PEX5L: variants seen among roughly 807,000 people sequenced by gnomAD.
The protein encoded by PEX5L is PEX5-related protein.
In PEX5L, 30 loss-of-function variants were observed where a neutral mutation model predicts 84.0. That is an observed-to-expected ratio of 0.36 (90% CI 0.27 to 0.48). The LOEUF is 0.48. Ranked by LOEUF, PEX5L falls within the 20% of genes least tolerant of loss-of-function variation. The pLI is 0.99. For synonymous variants in PEX5L, 270 were observed against 283.1 expected (o/e 0.95, Z 0.46); for missense variants, 533 against 754.6 (o/e 0.71, Z 3.44).
intron 1 of PEX5L, chr3:179,973,321 T>G (rs1785231625): frequency 8.0e-7 from 1 of 1,256,864 alleles, no homozygotes; most frequent in South Asian, 1.4e-5. Context: ...CCACAGATCT[T>G]GCCCAGGAAC....
intron 1 of PEX5L, among the ~76,000 whole-genome samples, chr3:179,995,787 T>A (rs546138397): frequency 6.6e-6 from 1 of 152,276 alleles, no homozygotes; most frequent in East Asian, 1.9e-4. Flanking sequence ...ATGAAGCAAG[T>A]GGCTGACCTG....
At chr3:179,918,574 A>G (rs1179950462) in intron 2 of PEX5L, among the ~76,000 whole-genome samples, 1 of 152,168 alleles carries the variant, frequency 6.6e-6, no homozygotes, top group East Asian at 1.9e-4. Context: ...CCTAAGTTTC[A>G]GTCCTAGTAC....
At chr3:179,977,245 T>C (rs1406570420) in intron 1 of PEX5L, among the ~76,000 whole-genome samples, 2 of 152,200 alleles carry the variant, frequency 1.3e-5, no homozygotes, top group South Asian at 4.1e-4. Context: ...AAGACTTCTT[T>C]GCAGTAAAAA....
At chr3:179,867,758 G>C (rs1393226802) in intron 7 of PEX5L, among the ~76,000 whole-genome samples, 1 of 152,140 alleles carries the variant, frequency 6.6e-6, no homozygotes, top group African/African-American at 2.4e-5. Flanking sequence ...CTAAAAGTAA[G>C]GGCTTGACAA....
intron 14 of PEX5L, among the ~76,000 whole-genome samples, chr3:179,802,548 A>AG (rs71628097): frequency 0.069 from 9,891 of 143,074 alleles, 247 homozygotes; most frequent in African/African-American, 0.12. Context: ...AAAAAAAAAA[A>AG]AAAAAAGAAA....
rs978009754 is a variant in PEX5L at position 180,010,957 on chromosome 3, C to T, written c.21+25622G>A. 7.9e-5 allele frequency among the ~76,000 whole-genome samples: 12 copies of T among 152,212 alleles called. 1 individual carries two copies. Among genetic ancestry groups the T allele is most frequent in the African/African-American group, 2.4e-4 (10 of 41,528 alleles). On this transcript the variant is annotated intron_variant, in intron 1 of 14. Transcript: ENST00000467460. ...AGAACTGGCAAGGGGAAGTGGAAGG[C>T]GTGCTGGTCTGTTGAAGACCTGTGT...
At chr3:179,897,485 C>T (rs1008503283) in intron 3 of PEX5L, among the ~76,000 whole-genome samples, 9 of 152,120 alleles carry the variant, frequency 5.9e-5, no homozygotes, top group South Asian at 2.1e-4. Flanking sequence ...CAAATGAAGA[C>T]TTTTTTCTAT....
At chr3:179,809,070 C>T (rs1188511229) in intron 12 of PEX5L, among the ~76,000 whole-genome samples, 1 of 18,314 alleles carries the variant, frequency 5.5e-5, no homozygotes, top group African/African-American at 2.4e-4. Flanking sequence ...TGAGATTCCG[C>T]CTCAAAAAAA....
chr3:179,805,146 C>CTTTTTT, intron 14 of PEX5L, among the ~76,000 whole-genome samples: 1 of 86,450 alleles, frequency 1.2e-5, no homozygotes, highest in Non-Finnish European at 2.4e-5. Flanking sequence ...ACTCGATGGT[C>CTTTTTT]TTTTTTTTTT....
At chr3:179,952,528 C>A (rs923544435) in intron 2 of PEX5L, among the ~76,000 whole-genome samples, 3 of 152,050 alleles carry the variant, frequency 2.0e-5, no homozygotes, top group African/African-American at 7.2e-5. Context: ...TTGAAAACAG[C>A]ATACATCGTA....
intron 2 of PEX5L, among the ~76,000 whole-genome samples, chr3:179,970,038 A>G (rs1424400638): frequency 2.0e-5 from 3 of 152,152 alleles, no homozygotes; most frequent in East Asian, 1.9e-4. Context: ...ATCTCAAAAT[A>G]TAACTTTGCA....
chr3:179,808,318 T>C lies in PEX5L; in HGVS notation c.1472A>G (p.Asn491Ser). Residue 491 changes from asparagine to serine, a missense_variant, in exon 13 of 15, where the codon AAT becomes AGT. Asn to Ser is a conservative substitution (Grantham distance 46, BLOSUM62 1). Coordinates refer to ENST00000467460, the MANE Select transcript of PEX5L (RefSeq NM_016559.3). ...AGCGTTAAATGCATCTATTGCTCTA[T>C]TAAATTCTCCACTCAGGTGGAACAG... ...GVLFHLSGEFNRAIDAFNAAL... is the reference protein window; with the variant it reads ...GVLFHLSGEFSRAIDAFNAAL... 1.2e-6 allele frequency: 2 copies of C among 1,605,182 alleles called. No homozygotes were observed. The highest frequency in any genetic ancestry group is 8.5e-7 in the Non-Finnish European group (1 of 1,176,370).
intron 8 of PEX5L, among the ~76,000 whole-genome samples, chr3:179,850,126 C>CTT (rs376165221): frequency 6.8e-6 from 1 of 146,236 alleles, no homozygotes; most frequent in African/African-American, 2.5e-5. Context: ...TTGCCTTATA[C>CTT]TTTTTTTTTT....
chr3:180,030,858 A>T (rs925317782), intron 1 of PEX5L, among the ~76,000 whole-genome samples: 6 of 151,698 alleles, frequency 4.0e-5, no homozygotes, highest in Non-Finnish European at 5.9e-5. Context: ...ATGCACCTGA[A>T]ATTCTAACTA....
At chr3:180,020,372 A>C (rs1790324367) in intron 1 of PEX5L, among the ~76,000 whole-genome samples, 3 of 152,088 alleles carry the variant, frequency 2.0e-5, no homozygotes, top group Admixed American at 2.0e-4. Context: ...TTTTACACAT[A>C]TATCCTATTT....
At chr3:180,025,207 C>A (rs1414446731) in intron 1 of PEX5L, among the ~76,000 whole-genome samples, 1 of 152,136 alleles carries the variant, frequency 6.6e-6, no homozygotes, top group Non-Finnish European at 1.5e-5. Context: ...TGGGAATAGA[C>A]CAGATCCTGA....
At chr3:179,804,933 A>G (rs1345551169) in intron 14 of PEX5L, among the ~76,000 whole-genome samples, 2 of 152,024 alleles carry the variant, frequency 1.3e-5, no homozygotes, top group Non-Finnish European at 2.9e-5. Context: ...AGTCTGGCCA[A>G]CCTGGTGAAA....
rs779282431 is a variant in PEX5L, at chr3:179,831,739, C to A, written c.823-11763G>T. On this transcript the variant is annotated intron_variant, in intron 8 of 14. Coordinates refer to ENST00000467460, the MANE Select transcript of PEX5L (RefSeq NM_016559.3). Reference sequence around the variant, plus strand: ...ACCCAACTGAGACTGTAAGGTTGAACAAATGTCAGCCATGTAATGGCACGA... The same window carrying A: ...ACCCAACTGAGACTGTAAGGTTGAAAAAATGTCAGCCATGTAATGGCACGA... Among the ~76,000 whole-genome samples, 5 of 152,230 alleles carry A rather than the reference C, an allele frequency of 3.3e-5. No homozygotes were observed. The East Asian group carries it at 9.7e-4, about 29-fold the overall frequency.
chr3:179,910,956 A>C (rs1310473415), intron 2 of PEX5L, among the ~76,000 whole-genome samples: 1 of 152,174 alleles, frequency 6.6e-6, no homozygotes, highest in East Asian at 1.9e-4. Context: ...GCTACCATTT[A>C]AGCACTTATT....
Sources: gnomAD v4.1 joint callset for allele counts (sites outside exome capture counted in the v4.1 genomes callset) on GRCh38, gnomAD v4.1.1 for gene constraint, MANE v1.5 for transcripts, NCBI Gene and HGNC (gene_info 2026-07-23, HGNC 2026-07-21) for gene names.